Variants in SNRPG observed in about 807,000 individuals in gnomAD.
SNRPG encodes small nuclear ribonucleoprotein G.
SNRPG carries 3 observed loss-of-function variants against 13.9 expected under a neutral mutation model. That is an observed-to-expected ratio of 0.22 (90% CI 0.10 to 0.56). SNRPG has a LOEUF of 0.56. Among genes scored for constraint, SNRPG ranks in the 20% least tolerant of loss-of-function variants. The pLI, the probability that SNRPG is intolerant of heterozygous loss-of-function variation, is 0.93. For synonymous variants in SNRPG, 29 were observed against 29.3 expected (o/e 0.99, Z 0.03); for missense variants, 34 against 96.1 (o/e 0.35, Z 2.70).
intron 2 of SNRPG, 97 bp downstream of exon 2, chr2:70,289,253 G>A: frequency 2.6e-6 from 2 of 762,286 alleles, no homozygotes; most frequent in African/African-American, 1.8e-5. Context: ...GCGCCTGGCT[G>A]CTTTAAATTT....
At chr2:70,285,398 C>G (rs762930841) in intron 3 of SNRPG, among the ~76,000 whole-genome samples, 11 of 151,954 alleles carry the variant, frequency 7.2e-5, no homozygotes, top group Non-Finnish European at 1.5e-4. Flanking sequence ...ATAGTGAAAC[C>G]CTGTCTCTAC....
intron 3 of SNRPG, among the ~76,000 whole-genome samples, chr2:70,284,032 C>T (rs1445586869): frequency 6.6e-6 from 1 of 152,186 alleles, no homozygotes; most frequent in Non-Finnish European, 1.5e-5. Context: ...TGCACTCCGG[C>T]CTCGGTGACA....
At chr2:70,293,177 G>A in intron 1 of SNRPG, 2 of 702,392 alleles carry the variant, frequency 2.8e-6, no homozygotes, top group Non-Finnish European at 5.2e-6. Context: ...AGACTAAAGT[G>A]GCTTTCGGAT....
chr2:70,283,122 A>AAAAAAAAAAAAAAAAAAAAAAACAAC (rs1241967786), intron 3 of SNRPG, among the ~76,000 whole-genome samples: 1 of 82,962 alleles, frequency 1.2e-5, no homozygotes, highest in African/African-American at 4.1e-5. Flanking sequence ...AAAAAAAAAA[A>AAAAAAAAAAAAAAAAAAAAAAACAAC]AACAACAAAC....
At chr2:70,287,634 T>TA (rs1209362446) in intron 3 of SNRPG, among the ~76,000 whole-genome samples, 3 of 152,334 alleles carry the variant, frequency 2.0e-5, no homozygotes, top group African/African-American at 7.2e-5. Context: ...CAGAAAGTGT[T>TA]ACCTGTGAAC....
chr2:70,287,057 CTG>C (rs752841744), intron 3 of SNRPG, among the ~76,000 whole-genome samples: 8 of 152,146 alleles, frequency 5.3e-5, no homozygotes, highest in Non-Finnish European at 8.8e-5. Context: ...AGACTCTAAA[CTG>C]TTTTTTCAGT....
intron 1 of SNRPG, among the ~76,000 whole-genome samples, chr2:70,290,049 C>G (rs1443157001): frequency 6.7e-6 from 1 of 148,218 alleles, no homozygotes; most frequent in Non-Finnish European, 1.5e-5. Flanking sequence ...TTATGTTGCC[C>G]AGGCTGGTCC....
At chr2:70,292,137 G>C (rs1166247048) in intron 1 of SNRPG, among the ~76,000 whole-genome samples, 2 of 151,918 alleles carry the variant, frequency 1.3e-5, no homozygotes, top group Admixed American at 1.3e-4. Flanking sequence ...TTATAGACAC[G>C]GGGTTTCACC....
chr2:70,282,478 C>G (rs1440733380), intron 3 of SNRPG, among the ~76,000 whole-genome samples: 1 of 152,060 alleles, frequency 6.6e-6, no homozygotes, highest in African/African-American at 2.4e-5. Flanking sequence ...AAGATGAAGA[C>G]AAAGTATGAG....
Position 70,293,434 on chromosome 2 carries a change from C to T in SNRPG, c.32+184G>A, listed in dbSNP as rs1035158331. ...TGGCTGCCGGCTGTAACCACACCGA[C>T]GCGCGAGCTCTGCGCGGGCTTCACG... On this transcript the variant is annotated intron_variant, in intron 1 of 3. Transcript: ENST00000272348. 110 of 677,646 alleles carry T rather than the reference C, an allele frequency of 1.6e-4. 1 individual carries two copies. The South Asian group carries it at 1.7e-3, about 10-fold the overall frequency. The allele number at this position is 677,646 out of a possible 1,614,324, so 42.0% of individuals were successfully genotyped here.
chr2:70,285,441 G>A (rs1416225964), intron 3 of SNRPG, among the ~76,000 whole-genome samples: 2 of 152,132 alleles, frequency 1.3e-5, no homozygotes, highest in Admixed American at 6.6e-5. Context: ...GCGTGGTGGT[G>A]TGCGCCTGTA....
Position 70,281,520 on chromosome 2 carries a change from A to G in SNRPG, c.*114T>C, listed in dbSNP as rs1362502403. ...GAGAAAGCATTTTTGACTATTACAA[A>G]AGTTTATTTAACAAAAAGTCTAATA... On this transcript the variant is annotated 3_prime_UTR_variant, in exon 4 of 4. Coordinates refer to ENST00000272348, the MANE Select transcript of SNRPG (RefSeq NM_003096.4). The G allele has an allele frequency of 1.8e-6, 1 of 551,366 alleles. No individual in the cohort carries two copies. Among genetic ancestry groups the G allele is most frequent in the Non-Finnish European group, 3.2e-6 (1 of 310,752 alleles). 34.2% of individuals were successfully genotyped at this position (551,366 alleles called of 1,614,324 possible).
intron 3 of SNRPG, among the ~76,000 whole-genome samples, chr2:70,284,452 C>T (rs1267945938): frequency 6.6e-6 from 1 of 152,170 alleles, no homozygotes; most frequent in East Asian, 1.9e-4. Flanking sequence ...GGTTCAATCA[C>T]AGCTAACTGC....
chr2:70,285,485 C>G (rs765577433), intron 3 of SNRPG, among the ~76,000 whole-genome samples: 5 of 152,066 alleles, frequency 3.3e-5, no homozygotes, highest in Non-Finnish European at 7.4e-5. Context: ...GGCAGGAGAA[C>G]TGCTTGAACC....
intron 3 of SNRPG, among the ~76,000 whole-genome samples, chr2:70,285,676 T>C (rs1275338598): frequency 1.3e-5 from 2 of 152,188 alleles, no homozygotes; most frequent in Non-Finnish European, 2.9e-5. Context: ...CCTATTGTAG[T>C]GCTCTTCCTC....
chr2:70,283,835 G>C (rs1000579362), intron 3 of SNRPG, among the ~76,000 whole-genome samples: 11 of 152,238 alleles, frequency 7.2e-5, no homozygotes, highest in African/African-American at 2.7e-4. Context: ...CAGGTGGGCA[G>C]ATAGCTTGAG....
At chr2:70,283,963 TGGAA>T (rs927386863) in intron 3 of SNRPG, among the ~76,000 whole-genome samples, 2 of 151,954 alleles carry the variant, frequency 1.3e-5, no homozygotes, top group African/African-American at 4.8e-5. Flanking sequence ...GAGGCTGAGG[TGGAA>T]GGATCAACTG....
intron 3 of SNRPG, chr2:70,287,855 G>A (rs1275726171): frequency 1.4e-5 from 8 of 568,282 alleles, no homozygotes; most frequent in Middle Eastern, 4.7e-4. Flanking sequence ...TATTTCAAGC[G>A]CTAGGACCTT....
chr2:70,285,930 C>A (rs1354193311), intron 3 of SNRPG, among the ~76,000 whole-genome samples: 1 of 152,164 alleles, frequency 6.6e-6, no homozygotes, highest in African/African-American at 2.4e-5. Context: ...AGGTTAAAAA[C>A]AAACTCACTC....
Sources: gnomAD v4.1 joint callset for allele counts (sites outside exome capture counted in the v4.1 genomes callset) on GRCh38, gnomAD v4.1.1 for gene constraint, MANE v1.5 for transcripts, NCBI Gene and HGNC (gene_info 2026-07-23, HGNC 2026-07-21) for gene names.